Variants in ARAP1 observed in about 807,000 individuals in gnomAD.
The protein encoded by ARAP1 is arf-GAP with Rho-GAP domain, ANK repeat and PH domain-containing protein 1.
Under a neutral mutation model 172.2 loss-of-function variants are expected in ARAP1, and 76 were observed. The ratio of observed to expected loss-of-function variants is 0.44; its 90% CI spans 0.37 to 0.53. ARAP1 has a LOEUF of 0.53. ARAP1 is among the 20% of genes least tolerant of loss of function. The pLI, the probability that ARAP1 is intolerant of heterozygous loss-of-function variation, is 0.00. For synonymous variants in ARAP1, 804 were observed against 803.3 expected, an observed-to-expected ratio of 1.00 and a Z score of -0.01; for missense variants, 1,686 against 1,977.5, an observed-to-expected ratio of 0.85 and a Z score of 2.80.
chr11:72,697,455 C>A lies in ARAP1; in HGVS notation c.2821G>T (p.Asp941Tyr), dbSNP rs763187310. 6 of 1,612,976 alleles carry A rather than the reference C, an allele frequency of 3.7e-6. No individual in the cohort carries two copies. The highest frequency in any genetic ancestry group is 5.1e-6 in the Non-Finnish European group (6 of 1,179,838). ...TLYIQGERRL[D>Y]FMGWLGAIQK... ...ATGGCCCCCAGCCAACCCATGAAGTCCAGCCGCCGCTCGCCCTGTATGTAC... is the reference window on the plus strand; with the variant it reads ...ATGGCCCCCAGCCAACCCATGAAGTACAGCCGCCGCTCGCCCTGTATGTAC... The change falls in exon 21 of 35, where the codon GAC becomes TAC. Residue 941 changes from aspartate (D) to tyrosine (Y), a missense_variant. Physicochemically the swap from Asp to Tyr is radical, Grantham distance 160. This residue lies in a region of ARAP1 where 274 missense variants were observed against 262.7 expected (regional missense o/e 1.04). Transcript: ENST00000393609.
rs763661774 is a variant in ARAP1, at chr11:72,688,479, T to C, written c.4046A>G (p.Lys1349Arg). 3.7e-6 allele frequency: 6 copies of C among 1,612,616 alleles called. No homozygotes were observed. The highest frequency in any genetic ancestry group is 1.6e-4 in the Middle Eastern group (1 of 6,062). ...IKSLKVYLGV[K>R]KKLRPPTCWG... ...CCAGGTGGGTGGCCTGAGTTTCTTC[T>C]TCACTCCCAGGTAGACTTTGAGACT... Residue 1349 changes from lysine (K) to arginine (R), a missense_variant, in exon 31 of 35, where the codon AAG (lysine) becomes AGG (arginine). By Grantham distance (26) the Lys-to-Arg change is conservative. This residue lies in a region of ARAP1 where 379 missense variants were observed against 500.1 expected (regional missense o/e 0.76). Coordinates refer to ENST00000393609, the MANE Select transcript of ARAP1 (RefSeq NM_001040118.3).
Position 72,726,485 on chromosome 11 carries a change from C to T in ARAP1, c.509+135G>A, listed in dbSNP as rs1857691976. 5 of 1,215,044 alleles carry T rather than the reference C, an allele frequency of 4.1e-6. No homozygotes were observed. Among genetic ancestry groups the T allele is most frequent in the South Asian group, 1.6e-5 (1 of 63,056 alleles). The allele number at this position is 1,215,044 out of a possible 1,614,324, so 75.3% of individuals were successfully genotyped here. A position where few individuals can be genotyped will look rare whatever the true frequency, so the allele number is the denominator to read the frequency against. ...GTCACCAGACAGCAATCCTGTCCTC[C>T]GAGCTTTGCACACGCTGTTCCCCCT... On this transcript the variant is annotated intron_variant, in intron 3 of 34. Coordinates refer to ENST00000393609, the MANE Select transcript of ARAP1 (RefSeq NM_001040118.3). The surrounding 1 kb of genome is among the most constrained non-coding windows in gnomAD (Gnocchi z 6.5).
chr11:72,692,870 G>A (rs1856001661), intron 29 of ARAP1, 85 bp from the exon 30 acceptor site: 2 of 1,547,782 alleles, frequency 1.3e-6, no homozygotes, highest in Non-Finnish European at 1.8e-6. Flanking sequence ...GGGTTGGGGT[G>A]TGTGTATGGC....
At chr11:72,750,794 TC>T (rs1858510066) in intron 1 of ARAP1, among the ~76,000 whole-genome samples, 1 of 151,942 alleles carries the variant, frequency 6.6e-6, no homozygotes, top group Non-Finnish European at 1.5e-5. Context: ...GCAGGCCCCA[TC>T]CCCACAGAGC....
At position 72,712,245 on chromosome 11, in the gene ARAP1, C is replaced by A; in HGVS notation, c.973G>T (p.Val325Phe). Residue 325 changes from valine (V) to phenylalanine (F), a missense_variant, in exon 7 of 35, where the codon GTC becomes TTC. Val to Phe is a conservative substitution (Grantham distance 50). Transcript: ENST00000393609. The part of the protein sequence containing the change: ...MDGPPGGSTP[V>F]TPVIKAGWLD... ...CAGCCAGCCTTGATGACTGGTGTGA[C>A]GGGGGTGGAGCCCCCAGGCGGCCCG... 5.0e-6 allele frequency: 8 copies of A among 1,607,614 alleles called. No individual in the cohort carries two copies. Among genetic ancestry groups the A allele is most frequent in the Non-Finnish European group, 6.8e-6 (8 of 1,177,096 alleles).
intron 12 of ARAP1, among the ~76,000 whole-genome samples, chr11:72,706,555 T>G (rs1856770994): frequency 6.6e-6 from 1 of 152,148 alleles, no homozygotes; most frequent in Admixed American, 6.5e-5. Flanking sequence ...CCCTCTCGCA[T>G]TTCATCTTCC....
In ARAP1 at chr11:72,725,324, C is replaced by T. The variant is rs6592482; in HGVS notation, c.509+1296G>A. The stretch of plus-strand genomic sequence containing the variant: ...TCTCTCTCTCTCTCTCTCTCTTTTT[C>T]TCTCTCTCTCTCCCCCCCACAAGCT... On this transcript the variant is annotated intron_variant, in intron 3 of 34. Coordinates refer to ENST00000393609, the MANE Select transcript of ARAP1 (RefSeq NM_001040118.3). The surrounding 1 kb of genome is among the most constrained non-coding windows in gnomAD (Gnocchi z 4.3). Among the ~76,000 whole-genome samples, 1,307 of 148,198 alleles carry T rather than the reference C, an allele frequency of 8.8e-3. 19 individuals carry two copies. Among genetic ancestry groups the T allele is most frequent in the African/African-American group, 0.027 (1,090 of 40,844 alleles).
At position 72,710,652 on chromosome 11, in the gene ARAP1, C is replaced by T. The variant is rs914561398; in HGVS notation, c.1214-65G>A. On this transcript the variant is annotated intron_variant, in intron 9 of 34. Coordinates refer to ENST00000393609, the MANE Select transcript of ARAP1 (RefSeq NM_001040118.3). This position sits in a 1 kb window ranked among gnomAD's most constrained non-coding sequence, Gnocchi z 4.3. ...GGAGCCCCTCAGGGGTCTCCTGGCCCTAGGCTCCTCATGCAACACCTCCTC... is the reference window on the plus strand; with the variant it reads ...GGAGCCCCTCAGGGGTCTCCTGGCCTTAGGCTCCTCATGCAACACCTCCTC... The T allele has an allele frequency of 5.4e-6, 8 of 1,471,946 alleles. No homozygotes were observed. The African/African-American group carries it at 9.8e-5, about 18-fold the overall frequency. 91.2% of individuals were successfully genotyped at this position (1,471,946 alleles called of 1,614,324 possible).
At position 72,694,995 on chromosome 11, in the gene ARAP1, C is replaced by T. The variant is rs576715546; in HGVS notation, c.3679G>A (p.Glu1227Lys). The change falls in exon 27 of 35, where the codon GAG becomes AAG. Residue 1227 changes from glutamate (E) to lysine (K), a missense_variant. Around this residue, in one of 5 missense-constraint regions of ARAP1, gnomAD observed 379 missense variants for 500.1 expected, o/e 0.76. Coordinates refer to ENST00000393609, the MANE Select transcript of ARAP1 (RefSeq NM_001040118.3). ...KDYWTCFEVN[E>K]REEAERPLHF... ...CGTCACCCACCTGCCTCCTCCCTCT[C>T]GTTGACCTCAAAGCAGGTCCAATAG... The T allele has an allele frequency of 1.2e-5, 20 of 1,614,080 alleles. No homozygotes were observed. Among genetic ancestry groups the T allele is most frequent in the Admixed American group, 6.7e-5 (4 of 60,010 alleles).
Position 72,699,091 on chromosome 11 carries a change from C to T in ARAP1, c.2455G>A (p.Glu819Lys), listed in dbSNP as rs1419919235. The change falls in exon 18 of 35, where the codon GAG becomes AAG. Residue 819 changes from glutamate to lysine, a missense_variant. Transcript: ENST00000393609. This position sits in a 1 kb window ranked among gnomAD's most constrained non-coding sequence, Gnocchi z 4.2. ...AGCCGTTCTCCCTCCGTGTACACCT[C>T]AAAGGTGTGCTCAAAGCTGCAAATA... ...PDTHGFEHTFEVYTEGERLYL... is the reference protein window; with the variant it reads ...PDTHGFEHTFKVYTEGERLYL... 1 of 1,614,140 alleles carries T rather than the reference C, an allele frequency of 6.2e-7. No homozygotes were observed.
In ARAP1 at chr11:72,711,397, C is replaced by T. The variant is rs183256953; in HGVS notation, c.1092+33G>A. 427 of 1,598,598 alleles carry T rather than the reference C, an allele frequency of 2.7e-4. 1 individual carries two copies. The African/African-American group carries it at 4.9e-3, about 18-fold the overall frequency. ...GTGTTGGGGCCAGCCTAGGCTGGAGCAGGGGTCGCGTCAGGACTGATGCAG... is the reference window on the plus strand; with the variant it reads ...GTGTTGGGGCCAGCCTAGGCTGGAGTAGGGGTCGCGTCAGGACTGATGCAG... On this transcript the variant is annotated intron_variant, in intron 8 of 34. Transcript: ENST00000393609.
Position 72,698,049 on chromosome 11 carries a change from G to A in ARAP1, c.2599C>T (p.Arg867Cys), listed in dbSNP as rs573191111. 22 of 1,607,330 alleles carry A rather than the reference G, an allele frequency of 1.4e-5. No homozygotes were observed. The highest frequency in any genetic ancestry group is 6.7e-5 in the African/African-American group (5 of 74,980). The change falls in exon 19 of 35, where the codon CGC becomes TGC. Residue 867 changes from arginine to cysteine, a missense_variant. Arg to Cys is a radical substitution (Grantham distance 180). This residue lies in a region of ARAP1 where 688 missense variants were observed against 856.9 expected (regional missense o/e 0.80). Transcript: ENST00000393609. ...CTCAGGCCAGCTTTGTAGGGTAGGCGTCCCAGCCGCTCAAAATCCCGGGCC... is the reference window on the plus strand; with the variant it reads ...CTCAGGCCAGCTTTGTAGGGTAGGCATCCCAGCCGCTCAAAATCCCGGGCC... Reference protein sequence around the residue: ...LLARDFERLGRLPYKAGLSLQ... With the variant: ...LLARDFERLGCLPYKAGLSLQ...
At chr11:72,750,502 C>A (rs1858501119) in intron 1 of ARAP1, among the ~76,000 whole-genome samples, 1 of 151,210 alleles carries the variant, frequency 6.6e-6, no homozygotes, top group African/African-American at 2.4e-5. Context: ...CCCAACCCCT[C>A]TAAACTGACC....
In ARAP1 at chr11:72,738,567, C is replaced by T. The variant is rs964172192; in HGVS notation, c.-127-5970G>A. Among the ~76,000 whole-genome samples the T allele has an allele frequency of 2.6e-5, 4 of 152,088 alleles. No homozygotes were observed. The South Asian group carries it at 8.3e-4, about 31-fold the overall frequency. The stretch of plus-strand genomic sequence containing the variant: ...CCTAACTGAGGCCTCAGCTTGTCCA[C>T]CACCACCTCCCTTATACAGCCTCAT... On this transcript the variant is annotated intron_variant, in intron 1 of 34. Coordinates refer to ENST00000393609, the MANE Select transcript of ARAP1 (RefSeq NM_001040118.3).
intron 33 of ARAP1, among the ~76,000 whole-genome samples, chr11:72,686,775 C>T (rs1290467104): frequency 6.6e-6 from 1 of 152,164 alleles, no homozygotes. Flanking sequence ...TACCCTCGGT[C>T]CCACTGCCCG....
At chr11:72,729,096 C>A (rs1857782745) in intron 2 of ARAP1, among the ~76,000 whole-genome samples, 1 of 152,158 alleles carries the variant, frequency 6.6e-6, no homozygotes, top group Non-Finnish European at 1.5e-5. Flanking sequence ...ATCAATTAAA[C>A]AGAACAGAAA....
At chr11:72,706,070 G>A (rs1427928269) in intron 12 of ARAP1, among the ~76,000 whole-genome samples, 180 bp from the exon 13 acceptor site, 1 of 152,190 alleles carries the variant, frequency 6.6e-6, no homozygotes, top group African/African-American at 2.4e-5. Context: ...GGGCAGGACT[G>A]AGCCCCGTAA....
At chr11:72,698,822 C>A (rs1017877587) in intron 18 of ARAP1, among the ~76,000 whole-genome samples, 183 bp downstream of exon 18, 4 of 152,174 alleles carry the variant, frequency 2.6e-5, no homozygotes, top group African/African-American at 9.7e-5. Context: ...ATAGGTCTGA[C>A]CAACTCCGCA....
In ARAP1 at chr11:72,695,036, C is replaced by T; in HGVS notation, c.3638G>A (p.Gly1213Asp). ...TLEILDRRNVGIREKDYWTCF... is the reference protein window; with the variant it reads ...TLEILDRRNVDIREKDYWTCF... The stretch of plus-strand genomic sequence containing the variant: ...GGTCCAATAGTCCTTCTCCCTGATG[C>T]CCACGTTCCGGCGATCCAGGATCTC... The change falls in exon 27 of 35, where the codon GGC (glycine) becomes GAC (aspartate). Residue 1213 changes from glycine (G) to aspartate (D), a missense_variant. Physicochemically the swap from Gly to Asp is moderately conservative, Grantham distance 94 (BLOSUM62 -1). Transcript: ENST00000393609. The surrounding 1 kb of genome is among the most constrained non-coding windows in gnomAD (Gnocchi z 4.4). The T allele has an allele frequency of 1.9e-6, 3 of 1,614,118 alleles. No individual in the cohort carries two copies. The highest frequency in any genetic ancestry group is 2.5e-6 in the Non-Finnish European group (3 of 1,180,004).
Sources: allele counts gnomAD v4.1 joint callset (sites outside exome capture counted in the v4.1 genomes callset), GRCh38; gene constraint gnomAD v4.1.1; regional missense constraint gnomAD v4.1.1; non-coding constraint Gnocchi (gnomAD v3.1); transcripts MANE v1.5; gene names NCBI Gene and HGNC (gene_info 2026-07-23, HGNC 2026-07-21).